Variants in NQO1 observed in about 807,000 individuals in gnomAD.
NQO1 encodes NAD(P)H quinone dehydrogenase 1.
NQO1 carries 30 observed loss-of-function variants against 32.1 expected under a neutral mutation model. That is an observed-to-expected ratio of 0.94 (90% CI 0.70 to 1.27). NQO1 has a LOEUF of 1.27. Ranked by LOEUF, NQO1 falls within the 50% of genes most tolerant of loss-of-function variation. NQO1 has a pLI of 0.00. For missense variants in NQO1, 276 were observed against 331.3 expected (o/e 0.83, Z 1.30); for synonymous variants, 109 against 119.7 (o/e 0.91, Z 0.59).
intron 1 of NQO1, among the ~76,000 whole-genome samples, chr16:69,722,880 C>T (rs2038210587): frequency 6.6e-6 from 1 of 152,152 alleles, no homozygotes. Flanking sequence ...TGTAACTTAC[C>T]TTGCCATTAG....
intron 3 of NQO1, among the ~76,000 whole-genome samples, 185 bp from the exon 4 acceptor site, chr16:69,715,262 T>C (rs1291108477): frequency 3.3e-5 from 5 of 152,234 alleles, no homozygotes; most frequent in Non-Finnish European, 5.9e-5. Flanking sequence ...GTCAGCCAAC[T>C]TGACAGTCTT....
chr16:69,720,952 G>A (rs894307180), intron 1 of NQO1, among the ~76,000 whole-genome samples: 4 of 151,552 alleles, frequency 2.6e-5, no homozygotes, highest in South Asian at 2.1e-4. Context: ...ATGATCTCAG[G>A]TCACTGCAGC....
rs2038024556 is a variant in NQO1 at position 69,710,534 on chromosome 16, A to G, written c.*442T>C. 6.0e-6 allele frequency: 1 copy of G among 165,310 alleles called. No homozygotes were observed. Among genetic ancestry groups the G allele is most frequent in the Admixed American group, 5.8e-5 (1 of 17,116 alleles). The allele number at this position is 165,310 out of a possible 1,614,324, so 10.2% of individuals were successfully genotyped here. On this transcript the variant is annotated 3_prime_UTR_variant, in exon 6 of 6. Coordinates refer to ENST00000320623, the MANE Select transcript of NQO1 (RefSeq NM_000903.3). The stretch of plus-strand genomic sequence containing the variant: ...AACAAGCATTAGATGGCTAACTACC[A>G]AACAAGTTAAGTCCCTTAGGGCAGG...
Position 69,718,264 on chromosome 16 carries a change from GAA to G in NQO1, c.173-13_173-12del. 1 of 1,613,652 alleles carries G rather than the reference GAA, an allele frequency of 6.2e-7. No individual in the cohort carries two copies. Among genetic ancestry groups the G allele is most frequent in the South Asian group, 1.1e-5 (1 of 91,056 alleles). ...GGTCCTTCAGTTTACCTGCAGAGAAGAAAAAGAGAGGCTGGGGCCAGAGGGGC... is the reference window on the plus strand; with the variant it reads ...GGTCCTTCAGTTTACCTGCAGAGAAGAAAGAGAGGCTGGGGCCAGAGGGGC... On this transcript the variant is annotated splice_polypyrimidine_tract_variant and intron_variant, in intron 2 of 5. Transcript: ENST00000320623.
rs147078767 is a variant in NQO1, at chr16:69,709,921, T to A, written c.*1055A>T. The A allele has an allele frequency of 2.3e-3, 932 of 398,118 alleles. 4 individuals are homozygous for A. The highest frequency in any genetic ancestry group is 4.9e-3 in the South Asian group (38 of 7,782). 24.7% of individuals were successfully genotyped at this position (398,118 alleles called of 1,614,324 possible). ...TCTGAAAATTTGTATAGATCAGAAATAAAGTATTTTTTGTGGAAGACTATT... is the reference window on the plus strand; with the variant it reads ...TCTGAAAATTTGTATAGATCAGAAAAAAAGTATTTTTTGTGGAAGACTATT... On this transcript the variant is annotated 3_prime_UTR_variant, in exon 6 of 6. Coordinates refer to ENST00000320623, the MANE Select transcript of NQO1 (RefSeq NM_000903.3).
At chr16:69,723,208 C>A (rs2038217183) in intron 1 of NQO1, among the ~76,000 whole-genome samples, 1 of 152,218 alleles carries the variant, frequency 6.6e-6, no homozygotes, top group Non-Finnish European at 1.5e-5. Context: ...CAGGCGTGAG[C>A]CACAGCGCCC....
intron 3 of NQO1, among the ~76,000 whole-genome samples, chr16:69,716,041 A>G (rs1008523093): frequency 6.6e-6 from 1 of 151,514 alleles, no homozygotes; most frequent in African/African-American, 2.4e-5. Flanking sequence ...GATGGTGCAC[A>G]TCTCTAGTCC....
rs2038095366 is a variant in NQO1 at position 69,715,037 on chromosome 16, C to G, written c.344G>C (p.Gly115Ala). ...QWFGVPAILKGWFERVFIGEF... is the reference protein window; with the variant it reads ...QWFGVPAILKAWFERVFIGEF... ...TCCTATGAACACTCGCTCAAACCAG[C>G]CTTTCAGAATGGCAGGGACTCCAAA... Residue 115 changes from glycine (G) to alanine (A), a missense_variant, in exon 4 of 6, where the codon GGC (glycine) becomes GCC (alanine). Physicochemically the swap from Gly to Ala is moderately conservative, Grantham distance 60. Coordinates refer to ENST00000320623, the MANE Select transcript of NQO1 (RefSeq NM_000903.3). 1 of 1,613,762 alleles carries G rather than the reference C, an allele frequency of 6.2e-7. No homozygotes were observed. The highest frequency in any genetic ancestry group is 8.5e-7 in the Non-Finnish European group (1 of 1,179,858).
Position 69,718,483 on chromosome 16 carries a change from T to A in NQO1, c.59A>T (p.Tyr20Phe). ...LAHSERTSFN[Y>F]AMKEAAAAAL... ...CGCTGCAGCAGCCTCCTTCATGGCA[T>A]AGTTGAAGGACGTCCTCTCTGAGTG... Residue 20 changes from tyrosine to phenylalanine, a missense_variant, in exon 2 of 6, where the codon TAT (tyrosine) becomes TTT (phenylalanine). By Grantham distance (22) the Tyr-to-Phe change is conservative (BLOSUM62 3). Coordinates refer to ENST00000320623, the MANE Select transcript of NQO1 (RefSeq NM_000903.3). 1 of 1,614,158 alleles carries A rather than the reference T, an allele frequency of 6.2e-7. No homozygotes were observed. Among genetic ancestry groups the A allele is most frequent in the Non-Finnish European group, 8.5e-7 (1 of 1,180,036 alleles).
rs755879882 is a variant in NQO1 at position 69,726,448 on chromosome 16, T to A, written c.-9A>T. Reference sequence around the variant, plus strand: ...CAGCACTCACCGACCATGGCTCTGGTGCAGTCCGGGGCGCTGATTGGCTGG... The same window carrying A: ...CAGCACTCACCGACCATGGCTCTGGAGCAGTCCGGGGCGCTGATTGGCTGG... On this transcript the variant is annotated 5_prime_UTR_variant, in exon 1 of 6. Coordinates refer to ENST00000320623, the MANE Select transcript of NQO1 (RefSeq NM_000903.3). The A allele has an allele frequency of 6.2e-7, 1 of 1,610,426 alleles. No homozygotes were observed. Among genetic ancestry groups the A allele is most frequent in the South Asian group, 1.1e-5 (1 of 91,014 alleles).
intron 1 of NQO1, among the ~76,000 whole-genome samples, chr16:69,719,918 G>C (rs2151746010): frequency 6.6e-6 from 1 of 152,280 alleles, no homozygotes; most frequent in East Asian, 1.9e-4. Flanking sequence ...ATGGAGACCA[G>C]CATGGGCAGC....
At position 69,723,421 on chromosome 16, in the gene NQO1, T is replaced by A. The variant is rs777085158; in HGVS notation, c.7+3012A>T. Among the ~76,000 whole-genome samples the A allele has an allele frequency of 1.5e-3, 226 of 152,150 alleles. 1 individual carries two copies. The highest frequency in any genetic ancestry group is 9.3e-4 in the Non-Finnish European group (63 of 68,030). On this transcript the variant is annotated intron_variant, in intron 1 of 5. Coordinates refer to ENST00000320623, the MANE Select transcript of NQO1 (RefSeq NM_000903.3). ...TAAGGCAACACACAAGCAGGAATAA[T>A]ATATTTGCAACAAATATAACCATCA...
At chr16:69,712,887 G>T (rs1031986579) in intron 5 of NQO1, 141 bp downstream of exon 5, 2 of 681,294 alleles carry the variant, frequency 2.9e-6, no homozygotes, top group Admixed American at 5.3e-5. Flanking sequence ...GTGCCTGTCA[G>T]TAGGCTGAGG....
At chr16:69,715,109 C>T (rs371770719) in intron 3 of NQO1, 32 bp from the exon 4 acceptor site, 9 of 1,549,780 alleles carry the variant, frequency 5.8e-6, no homozygotes, top group African/African-American at 1.4e-5. Context: ...TGAGGTAAGA[C>T]CAGGGGCTCC....
chr16:69,726,349 C>G (rs2038261895), intron 1 of NQO1, 84 bp downstream of exon 1: 1 of 1,556,230 alleles, frequency 6.4e-7, no homozygotes. Context: ...GAACAAAATT[C>G]AGGGCCAAGC....
intron 1 of NQO1, among the ~76,000 whole-genome samples, chr16:69,720,541 T>C (rs1189907090): frequency 3.3e-5 from 5 of 151,768 alleles, no homozygotes; most frequent in Admixed American, 2.6e-4. Context: ...CATTAAACTT[T>C]TTTTTTTTTT....
intron 1 of NQO1, among the ~76,000 whole-genome samples, 181 bp downstream of exon 1, chr16:69,726,252 T>A (rs2038260130): frequency 6.6e-6 from 1 of 152,164 alleles, no homozygotes; most frequent in African/African-American, 2.4e-5. Context: ...CGACACCGGA[T>A]ACAAACAGAA....
At chr16:69,711,358 G>C in intron 5 of NQO1, 77 bp from the exon 6 acceptor site, 1 of 1,273,278 alleles carries the variant, frequency 7.9e-7, no homozygotes, top group East Asian at 2.3e-5. Context: ...AAGTTGGTCT[G>C]GGCTTCTCAG....
intron 4 of NQO1, among the ~76,000 whole-genome samples, chr16:69,714,434 G>A (rs891949437): frequency 4.0e-5 from 6 of 151,698 alleles, no homozygotes; most frequent in Admixed American, 3.9e-4. Flanking sequence ...GCCTCCCAAA[G>A]TGCTGAAATT....
Sources: allele counts gnomAD v4.1 joint callset (sites outside exome capture counted in the v4.1 genomes callset), GRCh38; gene constraint gnomAD v4.1.1; transcripts MANE v1.5; gene names NCBI Gene and HGNC (gene_info 2026-07-23, HGNC 2026-07-21).